The following CDK19 variants were observed in gnomAD, a reference collection of about 807,000 sequenced individuals.
CDK19 encodes cyclin-dependent kinase 19.
A neutral mutation model predicts 68.3 loss-of-function variants in CDK19; 20 were observed. The ratio of observed to expected loss-of-function variants is 0.29; its 90% confidence interval spans 0.21 to 0.43. CDK19 has a LOEUF of 0.43. Ranked by LOEUF, CDK19 falls within the 20% of genes least tolerant of loss-of-function variation. The pLI is 1.00. For missense variants in CDK19, 339 were observed against 623.5 expected (o/e 0.54, Z 4.86); for synonymous variants, 221 against 222.8 (o/e 0.99, Z 0.07).
At chr6:110,802,194 G>A (rs1782388529) in intron 1 of CDK19, among the ~76,000 whole-genome samples, 1 of 152,062 alleles carries the variant, frequency 6.6e-6, no homozygotes, top group East Asian at 1.9e-4. Context: ...TCTACCCAGA[G>A]GAAAAGAAAT....
chr6:110,741,592 G>A lies in CDK19; in HGVS notation c.204+4534C>T, dbSNP rs370729682. ...TCCAAGTAAGATAACTCAGAAAGCC[G>A]CACCAAGACACATCATAGGCAAACT... On this transcript the variant is annotated intron_variant, in intron 2 of 12. Coordinates refer to ENST00000368911, the MANE Select transcript of CDK19 (RefSeq NM_015076.5). Among the ~76,000 whole-genome samples, 43 of 151,214 alleles carry A rather than the reference G, an allele frequency of 2.8e-4. 2 individuals carry two copies. The highest frequency in any genetic ancestry group is 2.9e-5 in the Non-Finnish European group (2 of 67,836).
chr6:110,767,134 A>AAAATAAAT (rs542748664), intron 1 of CDK19, among the ~76,000 whole-genome samples: 1 of 150,696 alleles, frequency 6.6e-6, no homozygotes, highest in African/African-American at 2.4e-5. Context: ...CTCTGCCTCA[A>AAAATAAAT]AAATAAATAA....
rs1406587267 is a variant in CDK19, at chr6:110,614,484, T to C, written c.*51A>G. The C allele has an allele frequency of 6.3e-7, 1 of 1,582,068 alleles. No individual in the cohort carries two copies. The highest frequency in any genetic ancestry group is 1.9e-5 in the Admixed American group (1 of 54,048). ...TTTGGTTCTTTTCAATGCAGACATA[T>C]TGCTGGAGCCTGTGCTCTGGGCTGG... On this transcript the variant is annotated 3_prime_UTR_variant, in exon 13 of 13. Coordinates refer to ENST00000368911, the MANE Select transcript of CDK19 (RefSeq NM_015076.5).
At chr6:110,749,642 G>C (rs936786299) in intron 1 of CDK19, among the ~76,000 whole-genome samples, 4 of 152,000 alleles carry the variant, frequency 2.6e-5, no homozygotes, top group African/African-American at 9.7e-5. Context: ...TTACAGGCCT[G>C]TACCACCGCG....
At chr6:110,788,576 C>A (rs3014317) in intron 1 of CDK19, among the ~76,000 whole-genome samples, 1,846 of 152,220 alleles carry the variant, frequency 0.012, 29 homozygotes, top group African/African-American at 0.042. Flanking sequence ...CATATGAATT[C>A]TTTTTTTCTC....
chr6:110,684,832 A>G (rs999249732), intron 2 of CDK19, among the ~76,000 whole-genome samples: 2 of 152,176 alleles, frequency 1.3e-5, no homozygotes, highest in Non-Finnish European at 2.9e-5. Flanking sequence ...CCCAATCATC[A>G]AGGCAGGCTG....
At chr6:110,765,830 G>C (rs1367543278) in intron 1 of CDK19, among the ~76,000 whole-genome samples, 1 of 152,018 alleles carries the variant, frequency 6.6e-6, no homozygotes, top group African/African-American at 2.4e-5. Context: ...ATATACAAAT[G>C]ACGAACAGGT....
intron 2 of CDK19, among the ~76,000 whole-genome samples, chr6:110,689,136 T>C (rs573054648): frequency 1.3e-5 from 2 of 152,132 alleles, no homozygotes; most frequent in South Asian, 2.1e-4. Flanking sequence ...CGCATACTAC[T>C]CCCCACTCCC....
chr6:110,788,706 C>T (rs1294939720), intron 1 of CDK19, among the ~76,000 whole-genome samples: 7 of 151,922 alleles, frequency 4.6e-5, no homozygotes, highest in African/African-American at 1.7e-4. Flanking sequence ...GTTTTTACAC[C>T]TTTTGGCATA....
intron 1 of CDK19, among the ~76,000 whole-genome samples, chr6:110,778,321 T>G (rs1384256909): frequency 6.6e-6 from 1 of 152,216 alleles, no homozygotes; most frequent in East Asian, 1.9e-4. Context: ...AAAAAGGAAT[T>G]CCTATCAATG....
At chr6:110,702,263 T>C (rs569894982) in intron 2 of CDK19, among the ~76,000 whole-genome samples, 163 of 152,078 alleles carry the variant, frequency 1.1e-3, no homozygotes, top group Non-Finnish European at 1.8e-3. Flanking sequence ...CTGGACAACA[T>C]AGTGAGACCT....
intron 5 of CDK19, among the ~76,000 whole-genome samples, chr6:110,635,227 A>G (rs879075445): frequency 6.6e-6 from 1 of 152,214 alleles, no homozygotes; most frequent in East Asian, 1.9e-4. Flanking sequence ...CAAAAAAGTG[A>G]TAAGTACTGT....
intron 1 of CDK19, among the ~76,000 whole-genome samples, chr6:110,812,638 A>G (rs1783191449): frequency 6.6e-6 from 1 of 152,180 alleles, no homozygotes; most frequent in Non-Finnish European, 1.5e-5. Context: ...ACTACATTAT[A>G]TATACCAGAA....
intron 1 of CDK19, among the ~76,000 whole-genome samples, chr6:110,801,712 A>G (rs1369758597): frequency 6.6e-6 from 1 of 152,078 alleles, no homozygotes; most frequent in African/African-American, 2.4e-5. Context: ...AGGGTTTCGC[A>G]GTGTTAGCCA....
intron 2 of CDK19, among the ~76,000 whole-genome samples, chr6:110,693,808 A>C (rs1773242545): frequency 6.6e-6 from 1 of 152,158 alleles, no homozygotes; most frequent in African/African-American, 2.4e-5. Context: ...CTACCTGCCC[A>C]AGTAGCTGAA....
At chr6:110,697,686 A>G (rs1324766368) in intron 2 of CDK19, among the ~76,000 whole-genome samples, 1 of 152,206 alleles carries the variant, frequency 6.6e-6, no homozygotes, top group East Asian at 1.9e-4. Flanking sequence ...TATGGAATGA[A>G]AAAAGAGCCC....
chr6:110,623,005 T>C (rs1778812467), intron 9 of CDK19, 93 bp from the exon 10 acceptor site: 2 of 845,282 alleles, frequency 2.4e-6, no homozygotes, highest in South Asian at 1.4e-5. Flanking sequence ...AGGATTAATA[T>C]AAAATACATT....
At chr6:110,779,953 C>T (rs1223133809) in intron 1 of CDK19, among the ~76,000 whole-genome samples, 5 of 152,032 alleles carry the variant, frequency 3.3e-5, no homozygotes, top group African/African-American at 1.2e-4. Flanking sequence ...GGCGCAATGG[C>T]TCACACCTGT....
chr6:110,804,934 C>G (rs922358583), intron 1 of CDK19, among the ~76,000 whole-genome samples: 2 of 151,352 alleles, frequency 1.3e-5, no homozygotes, highest in East Asian at 4.0e-4. Context: ...CCAACCTGGG[C>G]GACAGAACAA....
Sources: gnomAD v4.1 joint callset for allele counts (sites outside exome capture counted in the v4.1 genomes callset) on GRCh38, gnomAD v4.1.1 for gene constraint, MANE v1.5 for transcripts, NCBI Gene and HGNC (gene_info 2026-07-23, HGNC 2026-07-21) for gene names.